Variants in COPG2 observed in about 807,000 individuals in gnomAD.
COPG2 encodes the protein coat protein complex I subunit gamma 2, also known as coatomer subunit gamma-2.
COPG2 carries 37 observed loss-of-function variants against 46.3 expected under a neutral mutation model. The ratio of observed to expected loss-of-function variants is 0.80; its 90% CI spans 0.61 to 1.05. The LOEUF (loss-of-function observed/expected upper bound fraction) is 1.05. COPG2 is among the 50% of genes least tolerant of loss of function. The pLI is 0.00. For synonymous variants in COPG2, 159 were observed against 129.7 expected (o/e 1.23, Z -1.53); for missense variants, 427 against 387.8 (o/e 1.10, Z -0.85).
chr7:130,537,780 G>C lies in COPG2; in HGVS notation c.2149+9894C>G, dbSNP rs955722722. Among the ~76,000 whole-genome samples, 1,227 of 152,340 alleles carry C rather than the reference G, an allele frequency of 8.1e-3. 6 individuals are homozygous for C. Among genetic ancestry groups the C allele is most frequent in the Middle Eastern group, 0.031 (9 of 294 alleles). On this transcript the variant is annotated intron_variant, in intron 20 of 23. Transcript: ENST00000425248. ...ATCCTCCTTTTTGCCCAAAAGGGGC[G>C]AAGTGTTTGATGCAGGTCATGGAGG... is the stretch of plus-strand genomic sequence containing the variant.
chr7:130,596,674 G>A (rs1554449737), intron 9 of COPG2, among the ~76,000 whole-genome samples: 2 of 152,234 alleles, frequency 1.3e-5, no homozygotes, highest in Non-Finnish European at 1.5e-5. Flanking sequence ...ACACTGGCTG[G>A]GGCTGAGGTC....
chr7:130,522,807 A>AG (rs1799735153), intron 20 of COPG2, among the ~76,000 whole-genome samples: 1 of 152,046 alleles, frequency 6.6e-6, no homozygotes, highest in Admixed American at 6.6e-5. Flanking sequence ...ACAGGTATAA[A>AG]GGGGCATTCT....
intron 9 of COPG2, among the ~76,000 whole-genome samples, chr7:130,565,242 G>A (rs1793784294): frequency 6.6e-6 from 1 of 152,178 alleles, no homozygotes; most frequent in African/African-American, 2.4e-5. Context: ...GGCATGGAAA[G>A]CACGCCCCAA....
At chr7:130,657,149 G>C (rs1363412499) in intron 4 of COPG2, among the ~76,000 whole-genome samples, 1 of 152,024 alleles carries the variant, frequency 6.6e-6, no homozygotes, top group Admixed American at 6.6e-5. Flanking sequence ...TAGAGCTAAA[G>C]TAAGAACAGA....
chr7:130,524,245 G>A (rs929262907), intron 20 of COPG2, among the ~76,000 whole-genome samples: 2 of 152,036 alleles, frequency 1.3e-5, no homozygotes, highest in East Asian at 1.9e-4. Flanking sequence ...AGAGATGACT[G>A]CATCTGGTGG....
At chr7:130,525,249 A>G (rs1799762664) in intron 20 of COPG2, among the ~76,000 whole-genome samples, 1 of 152,136 alleles carries the variant, frequency 6.6e-6, no homozygotes, top group Non-Finnish European at 1.5e-5. Flanking sequence ...CAAGGTGGAA[A>G]AGTGAGGGGA....
At chr7:130,590,360 A>G (rs561210598) in intron 9 of COPG2, among the ~76,000 whole-genome samples, 2 of 152,062 alleles carry the variant, frequency 1.3e-5, no homozygotes, top group African/African-American at 4.8e-5. Flanking sequence ...TCCCTGCCTG[A>G]TTCTCCTGCC....
At chr7:130,601,113 T>A (rs536096576) in intron 9 of COPG2, among the ~76,000 whole-genome samples, 1 of 152,116 alleles carries the variant, frequency 6.6e-6, no homozygotes, top group East Asian at 1.9e-4. Flanking sequence ...AAAACCACAA[T>A]GAGATACCAT....
intron 9 of COPG2, among the ~76,000 whole-genome samples, chr7:130,599,782 G>A (rs541162801): frequency 3.3e-5 from 5 of 152,172 alleles, no homozygotes; most frequent in Non-Finnish European, 7.4e-5. Context: ...TGCTCTGGGG[G>A]TAAATAATCA....
In COPG2 at chr7:130,622,703, C is replaced by T. The variant is rs575003673; in HGVS notation, c.324-5638G>A. ...TCCTAAAACCACCCATTCTACATTTCCTTCCCCACTGGCCAGCACTTTACC... is the reference window on the plus strand; with the variant it reads ...TCCTAAAACCACCCATTCTACATTTTCTTCCCCACTGGCCAGCACTTTACC... On this transcript the variant is annotated intron_variant, in intron 5 of 23. Transcript: ENST00000425248. 4.9e-4 allele frequency among the ~76,000 whole-genome samples: 74 copies of T among 152,286 alleles called. 1 individual carries two copies. The highest frequency in any genetic ancestry group is 1.7e-3 in the African/African-American group (70 of 41,570).
chr7:130,648,500 G>C (rs1329166336), intron 5 of COPG2, among the ~76,000 whole-genome samples: 1 of 152,128 alleles, frequency 6.6e-6, no homozygotes, highest in Admixed American at 6.5e-5. Flanking sequence ...ATTTGGTGTG[G>C]GTGAGACTCT....
intron 9 of COPG2, chr7:130,603,960 T>G: frequency 2.3e-6 from 1 of 436,334 alleles, no homozygotes; most frequent in South Asian, 1.7e-5. Flanking sequence ...ATATATTGTA[T>G]TCTTACAATA....
At chr7:130,657,449 A>C (rs1795879166) in intron 4 of COPG2, among the ~76,000 whole-genome samples, 1 of 152,196 alleles carries the variant, frequency 6.6e-6, no homozygotes, top group South Asian at 2.1e-4. Context: ...AAAGCACAGG[A>C]GAAAATCGTT....
chr7:130,533,178 A>G (rs1799845556), intron 20 of COPG2, among the ~76,000 whole-genome samples: 1 of 152,022 alleles, frequency 6.6e-6, no homozygotes, highest in Non-Finnish European at 1.5e-5. Flanking sequence ...CCAGCAAGGG[A>G]GAATTTGCAT....
At chr7:130,576,881 CAAGAA>C (rs1794007899) in intron 9 of COPG2, among the ~76,000 whole-genome samples, 1 of 152,034 alleles carries the variant, frequency 6.6e-6, no homozygotes, top group Non-Finnish European at 1.5e-5. Context: ...CAAGATCAAC[CAAGAA>C]GAGAGAAAAT....
intron 12 of COPG2, among the ~76,000 whole-genome samples, chr7:130,556,966 T>C (rs903545618): frequency 6.6e-6 from 1 of 152,226 alleles, no homozygotes; most frequent in Non-Finnish European, 1.5e-5. Context: ...GATGCAAGGA[T>C]GCCACTATCT....
At chr7:130,632,382 C>A (rs1795249698) in intron 5 of COPG2, among the ~76,000 whole-genome samples, 1 of 152,208 alleles carries the variant, frequency 6.6e-6, no homozygotes, top group Non-Finnish European at 1.5e-5. Flanking sequence ...CAGTTTTCCT[C>A]ATCTTTGGTG....
chr7:130,530,071 T>G (rs1267164703), intron 20 of COPG2, among the ~76,000 whole-genome samples: 1 of 151,986 alleles, frequency 6.6e-6, no homozygotes, highest in Non-Finnish European at 1.5e-5. Flanking sequence ...GATGAGGGCT[T>G]CATGTTTGGA....
intron 20 of COPG2, among the ~76,000 whole-genome samples, chr7:130,542,345 TA>T (rs1430724926): frequency 6.6e-6 from 1 of 151,162 alleles, no homozygotes; most frequent in Non-Finnish European, 1.5e-5. Flanking sequence ...CGTGTGTCAA[TA>T]AAGGGCATGG....
Sources: gnomAD v4.1 joint callset for allele counts (sites outside exome capture counted in the v4.1 genomes callset) on GRCh38, gnomAD v4.1.1 for gene constraint, MANE v1.5 for transcripts, NCBI Gene and HGNC (gene_info 2026-07-23, HGNC 2026-07-21) for gene names.